The following POLB variants were observed in gnomAD, a reference collection of about 807,000 sequenced individuals.
POLB encodes the protein 5'-dRP lyase.
Under a neutral mutation model 52.7 loss-of-function variants are expected in POLB, and 37 were observed. The observed-to-expected ratio is 0.70, with a 90% CI of 0.54 to 0.92. The LOEUF (loss-of-function observed/expected upper bound fraction) is 0.92. Among genes scored for constraint, POLB ranks in the 40% least tolerant of loss-of-function variants. The probability of loss-of-function intolerance (pLI) is 0.00; values close to 1 mark genes in which losing one functional copy is unlikely to be tolerated. For synonymous variants in POLB, 138 were observed against 131.3 expected (o/e 1.05, Z -0.35); for missense variants, 313 against 400.8 (o/e 0.78, Z 1.87).
intron 6 of POLB, among the ~76,000 whole-genome samples, chr8:42,355,262 A>G (rs957934166): frequency 3.3e-5 from 5 of 150,852 alleles, no homozygotes; most frequent in Non-Finnish European, 7.4e-5. Flanking sequence ...CTGGTCTCGA[A>G]CTCCTGACCT....
intron 12 of POLB, 186 bp downstream of exon 12, chr8:42,369,521 C>T (rs1824248352): frequency 1.9e-6 from 1 of 523,258 alleles, no homozygotes; most frequent in Non-Finnish European, 3.4e-6. Context: ...TGTCTACAGA[C>T]TCCAATTTAT....
intron 10 of POLB, 70 bp from the exon 11 acceptor site, chr8:42,362,542 A>G: frequency 1.1e-6 from 1 of 946,496 alleles, no homozygotes; most frequent in South Asian, 1.4e-5. Context: ...CTCTAAAAAT[A>G]TTGTTAAATA....
At chr8:42,349,767 T>C (rs1822857074) in intron 4 of POLB, among the ~76,000 whole-genome samples, 1 of 152,258 alleles carries the variant, frequency 6.6e-6, no homozygotes, top group Non-Finnish European at 1.5e-5. Context: ...ATTATATCAC[T>C]TCTGATCTGT....
At chr8:42,371,472 A>G (rs1336462524) in intron 13 of POLB, 91 bp from the exon 14 acceptor site, 1 of 536,282 alleles carries the variant, frequency 1.9e-6, no homozygotes, top group African/African-American at 2.0e-5. Flanking sequence ...TTCTTCTGAA[A>G]GCAAGTCCCA....
chr8:42,340,654 A>G (rs1822143857), intron 2 of POLB, among the ~76,000 whole-genome samples: 1 of 152,128 alleles, frequency 6.6e-6, no homozygotes. Context: ...TGACTTTGAA[A>G]TGCCACTTAT....
At chr8:42,339,192 A>T in intron 2 of POLB, 123 bp downstream of exon 2, 1 of 775,658 alleles carries the variant, frequency 1.3e-6, no homozygotes, top group Admixed American at 2.0e-5. Context: ...AAAAGCAAGA[A>T]TCGAGGCTGG....
intron 2 of POLB, chr8:42,340,202 A>C (rs1464854011): frequency 6.6e-6 from 1 of 152,152 alleles, no homozygotes; most frequent in African/African-American, 2.4e-5. Flanking sequence ...CTTCTGTCTT[A>C]CCTTTTAATG....
chr8:42,349,571 G>A (rs973709004), intron 4 of POLB, among the ~76,000 whole-genome samples: 9 of 152,098 alleles, frequency 5.9e-5, no homozygotes, highest in African/African-American at 2.2e-4. Flanking sequence ...TGCATTTTTA[G>A]TAGAGACGGG....
chr8:42,338,706 C>G (rs760226419), intron 1 of POLB, 21 bp downstream of exon 1: 1 of 1,610,848 alleles, frequency 6.2e-7, no homozygotes, highest in East Asian at 2.2e-5. Flanking sequence ...GGCCGGGCCC[C>G]GCTGGCTTTC....
intron 5 of POLB, among the ~76,000 whole-genome samples, chr8:42,351,155 G>C (rs1166648862): frequency 6.6e-6 from 1 of 152,150 alleles, no homozygotes; most frequent in Non-Finnish European, 1.5e-5. Context: ...GATTATAGGT[G>C]TGAACCACAA....
intron 3 of POLB, among the ~76,000 whole-genome samples, chr8:42,345,852 T>A (rs567921296): frequency 4.6e-5 from 7 of 152,320 alleles, no homozygotes; most frequent in Admixed American, 1.3e-4. Context: ...TACTAAATGA[T>A]TCAAAGTTCC....
intron 6 of POLB, 136 bp downstream of exon 6, chr8:42,352,704 T>C: frequency 1.5e-6 from 1 of 653,072 alleles, no homozygotes; most frequent in Non-Finnish European, 2.8e-6. Flanking sequence ...TTTAACTCTG[T>C]AGTACAGTAG....
At chr8:42,361,602 A>G (rs1468987983) in intron 10 of POLB, 1 of 480,310 alleles carries the variant, frequency 2.1e-6, no homozygotes, top group Non-Finnish European at 3.7e-6. Context: ...ATTGAATACA[A>G]TAGTTTTAGA....
At chr8:42,361,427 A>G in intron 10 of POLB, 62 bp downstream of exon 10, 1 of 1,109,930 alleles carries the variant, frequency 9.0e-7, no homozygotes, top group Non-Finnish European at 1.4e-6. Context: ...TCACTTTTTA[A>G]GTGATAGTTG....
At chr8:42,359,131 C>T (rs1283828351) in intron 9 of POLB, among the ~76,000 whole-genome samples, 2 of 152,178 alleles carry the variant, frequency 1.3e-5, no homozygotes, top group Non-Finnish European at 2.9e-5. Flanking sequence ...TCCCTATGCA[C>T]TCTTTCCTAC....
At chr8:42,352,605 T>C (rs1426224563) in intron 6 of POLB, 37 bp downstream of exon 6, 1 of 1,278,260 alleles carries the variant, frequency 7.8e-7, no homozygotes, top group Non-Finnish European at 1.1e-6. Context: ...CCAGATTAAA[T>C]ATGGTCCTGA....
chr8:42,343,590 G>A (rs892020942), intron 2 of POLB, among the ~76,000 whole-genome samples: 1 of 145,712 alleles, frequency 6.9e-6, no homozygotes, highest in African/African-American at 2.4e-5. Context: ...TTTTTATGAG[G>A]AAGTTATGAA....
intron 2 of POLB, 127 bp from the exon 3 acceptor site, chr8:42,344,826 A>G: frequency 1.5e-6 from 1 of 655,876 alleles, no homozygotes; most frequent in Non-Finnish European, 2.7e-6. Flanking sequence ...AAAACAAAAA[A>G]AAAGAAAATT....
intron 12 of POLB, 56 bp downstream of exon 12, chr8:42,369,391 C>T: frequency 1.0e-6 from 1 of 1,000,142 alleles, no homozygotes; most frequent in Admixed American, 1.8e-5. Flanking sequence ...GTCTCGTTTT[C>T]TCCCTCCCTG....
Sources: gnomAD v4.1 joint callset for allele counts (sites outside exome capture counted in the v4.1 genomes callset) on GRCh38, gnomAD v4.1.1 for gene constraint, MANE v1.5 for transcripts, NCBI Gene and HGNC (gene_info 2026-07-23, HGNC 2026-07-21) for gene names.